C1QTNF1: variants seen among roughly 807,000 people sequenced by gnomAD.
C1QTNF1 encodes the protein complement C1q tumor necrosis factor-related protein 1.
C1QTNF1 carries 22 observed loss-of-function variants against 27.8 expected under a neutral mutation model. The observed-to-expected ratio is 0.79, with a 90% confidence interval of 0.56 to 1.13. The LOEUF is 1.13. Ranked by LOEUF, C1QTNF1 falls within the 50% of genes most tolerant of loss-of-function variation. C1QTNF1 has a pLI of 0.00. For synonymous variants in C1QTNF1, 166 were observed against 154.3 expected (o/e 1.08, Z -0.56); for missense variants, 373 against 380.2 (o/e 0.98, Z 0.16).
At chr17:79,033,288 A>G (rs1599287082) in intron 1 of C1QTNF1, among the ~76,000 whole-genome samples, 1 of 152,256 alleles carries the variant, frequency 6.6e-6, no homozygotes, top group East Asian at 1.9e-4. Context: ...TTTAACTGAC[A>G]TAGCTCCATG....
At chr17:79,040,331 G>A (rs993845322) in intron 1 of C1QTNF1, among the ~76,000 whole-genome samples, 1 of 152,242 alleles carries the variant, frequency 6.6e-6, no homozygotes, top group African/African-American at 2.4e-5. Context: ...TGGGCGTGGT[G>A]GCGCATGCCT....
chr17:79,048,085 C>G lies in C1QTNF1; in HGVS notation c.843C>G (p.Pro281=), dbSNP rs2072648601. ...SGYLVKHATE[P] ...ACCTGGTCAAGCACGCCACCGAGCC[C>G]TAGCTGGCCGGCCACCTCCTTTCCT... The change falls in exon 4 of 4, where the codon CCC becomes CCG. Residue 281 remains proline (P), a synonymous_variant. Transcript: ENST00000579760. The G allele has an allele frequency of 6.5e-7, 1 of 1,550,256 alleles. No individual in the cohort carries two copies. The highest frequency in any genetic ancestry group is 1.2e-5 in the South Asian group (1 of 83,026).
At chr17:79,039,268 G>C (rs1318032445) in intron 1 of C1QTNF1, among the ~76,000 whole-genome samples, 2 of 152,232 alleles carry the variant, frequency 1.3e-5, no homozygotes, top group Non-Finnish European at 2.9e-5. Flanking sequence ...ATGGCATCTG[G>C]TGGGGACAGT....
At chr17:79,040,267 C>T (rs1279069291) in intron 1 of C1QTNF1, among the ~76,000 whole-genome samples, 2 of 152,096 alleles carry the variant, frequency 1.3e-5, no homozygotes, top group East Asian at 1.9e-4. Context: ...TGAGACGAGC[C>T]GGGGAAACAC....
Position 79,046,828 on chromosome 17 carries a change from G to A in C1QTNF1, c.295+134G>A. ...TCGGGACAGGGAGCAGAGGCAGGCA[G>A]GCTGTCATCTAGAGGGGAAGGCACA... On this transcript the variant is annotated intron_variant, in intron 3 of 3. Coordinates refer to ENST00000579760, the MANE Select transcript of C1QTNF1 (RefSeq NM_030968.5). This position sits in a 1 kb window ranked among gnomAD's most constrained non-coding sequence, Gnocchi z 4.8. 8.4e-7 allele frequency: 1 copy of A among 1,192,612 alleles called. No homozygotes were observed. The highest frequency in any genetic ancestry group is 1.2e-6 in the Non-Finnish European group (1 of 855,814). The allele number at this position is 1,192,612 out of a possible 1,614,324, so 73.9% of individuals were successfully genotyped here. A position where few individuals can be genotyped will look rare whatever the true frequency, so the allele number is the denominator to read the frequency against.
At chr17:79,042,089 T>C (rs780810452) in intron 1 of C1QTNF1, among the ~76,000 whole-genome samples, 1 of 152,200 alleles carries the variant, frequency 6.6e-6, no homozygotes, top group Non-Finnish European at 1.5e-5. Flanking sequence ...ACCCACCTTC[T>C]CACTGGGCGG....
intron 1 of C1QTNF1, among the ~76,000 whole-genome samples, chr17:79,039,846 T>C (rs1202014110): frequency 6.6e-6 from 1 of 151,414 alleles, no homozygotes; most frequent in African/African-American, 2.4e-5. Flanking sequence ...TATGTAAACA[T>C]GTGTATGTGT....
chr17:79,026,210 G>A (rs921596253), intron 1 of C1QTNF1, among the ~76,000 whole-genome samples: 1 of 151,818 alleles, frequency 6.6e-6, no homozygotes, highest in Admixed American at 6.6e-5. Context: ...AGGCTGGAGT[G>A]CAAGGCCAAA....
intron 1 of C1QTNF1, among the ~76,000 whole-genome samples, chr17:79,029,213 C>T (rs1322506936): frequency 6.6e-6 from 1 of 152,218 alleles, no homozygotes; most frequent in Admixed American, 6.5e-5. Context: ...CACCGTAACC[C>T]TGAGCCCAGT....
chr17:79,038,269 C>T (rs1447024553), intron 1 of C1QTNF1, among the ~76,000 whole-genome samples: 1 of 152,158 alleles, frequency 6.6e-6, no homozygotes. Context: ...GGATTACAGG[C>T]GTGAGCCACC....
At chr17:79,040,765 G>A (rs1599297790) in intron 1 of C1QTNF1, among the ~76,000 whole-genome samples, 2 of 150,786 alleles carry the variant, frequency 1.3e-5, no homozygotes, top group East Asian at 3.9e-4. Context: ...TTAGCTGGGT[G>A]TGGTAGTGCA....
At chr17:79,043,756 G>A (rs747999175) in intron 1 of C1QTNF1, 199 bp from the exon 2 acceptor site, 3 of 685,950 alleles carry the variant, frequency 4.4e-6, no homozygotes, top group South Asian at 1.5e-5. Flanking sequence ...TGAGTGCGTC[G>A]TGAGTGCGTG....
At position 79,028,914 on chromosome 17, in the gene C1QTNF1, A is replaced by G. The variant is rs112351516; in HGVS notation, c.-15+4420A>G. Among the ~76,000 whole-genome samples, 795 of 145,080 alleles carry G rather than the reference A, an allele frequency of 5.5e-3. 4 individuals are homozygous for G. The highest frequency in any genetic ancestry group is 0.018 in the African/African-American group (725 of 40,076). Reference sequence around the variant, plus strand: ...TGTGTGTGTGTGTGTGTGTGTGTGCATGCACGCGCGGGTGTTCCTGGTGAT... The same window carrying G: ...TGTGTGTGTGTGTGTGTGTGTGTGCGTGCACGCGCGGGTGTTCCTGGTGAT... On this transcript the variant is annotated intron_variant, in intron 1 of 3. Coordinates refer to ENST00000579760, the MANE Select transcript of C1QTNF1 (RefSeq NM_030968.5).
intron 3 of C1QTNF1, chr17:79,047,268 G>T: frequency 2.7e-6 from 1 of 363,732 alleles, no homozygotes; most frequent in Non-Finnish European, 4.8e-6. Context: ...GGGCTTTCCA[G>T]AAGGAAAAAA....
chr17:79,023,998 A>G (rs531783856), upstream of C1QTNF1: 1 of 152,144 alleles, frequency 6.6e-6, no homozygotes, highest in Admixed American at 6.5e-5. Context: ...GGACCTCCAG[A>G]CTCACGGAAT....
rs1453170183 is a variant in C1QTNF1 at position 79,046,246 on chromosome 17, T to G, written c.156-309T>G. Among the ~76,000 whole-genome samples, 7 of 152,208 alleles carry G rather than the reference T, an allele frequency of 4.6e-5. No individual in the cohort carries two copies. Among genetic ancestry groups the G allele is most frequent in the African/African-American group, 7.2e-5 (3 of 41,458 alleles). On this transcript the variant is annotated intron_variant, in intron 2 of 3. Coordinates refer to ENST00000579760, the MANE Select transcript of C1QTNF1 (RefSeq NM_030968.5). The surrounding 1 kb of genome is among the most constrained non-coding windows in gnomAD (Gnocchi z 4.8). ...GATAGGGAGTCCCGGCATTGTCTTGTGTCACCCAAAGACCCTCTCTTAGAA... is the reference window on the plus strand; with the variant it reads ...GATAGGGAGTCCCGGCATTGTCTTGGGTCACCCAAAGACCCTCTCTTAGAA...
intron 1 of C1QTNF1, among the ~76,000 whole-genome samples, chr17:79,029,147 G>A (rs192642742): frequency 8.5e-4 from 129 of 152,262 alleles, no homozygotes; most frequent in African/African-American, 2.8e-3. Context: ...TACAGTCCTC[G>A]AAGCCAAAGG....
chr17:79,029,835 C>G (rs1302681918), intron 1 of C1QTNF1, among the ~76,000 whole-genome samples: 1 of 152,174 alleles, frequency 6.6e-6, no homozygotes, highest in African/African-American at 2.4e-5. Flanking sequence ...TGTTCCTGGT[C>G]CTAACACATC....
rs2072586746 is a variant in C1QTNF1, at chr17:79,046,772, G to A, written c.295+78G>A. 13 of 1,575,550 alleles carry A rather than the reference G, an allele frequency of 8.3e-6. No homozygotes were observed. The highest frequency in any genetic ancestry group is 1.1e-5 in the Non-Finnish European group (13 of 1,153,418). Reference sequence around the variant, plus strand: ...CCGGAGGAAGGGATGGAGTCGTTAGGGTGGGGCTAGGCGAGAGCAGAATGG... The same window carrying A: ...CCGGAGGAAGGGATGGAGTCGTTAGAGTGGGGCTAGGCGAGAGCAGAATGG... On this transcript the variant is annotated intron_variant, in intron 3 of 3. Transcript: ENST00000579760. This position sits in a 1 kb window ranked among gnomAD's most constrained non-coding sequence, Gnocchi z 4.8.
Sources: allele counts gnomAD v4.1 joint callset (sites outside exome capture counted in the v4.1 genomes callset), GRCh38; gene constraint gnomAD v4.1.1; non-coding constraint Gnocchi (gnomAD v3.1); transcripts MANE v1.5; gene names NCBI Gene and HGNC (gene_info 2026-07-23, HGNC 2026-07-21).